The following ARL15 variants were observed in gnomAD, a reference collection of about 807,000 sequenced individuals.
ARL15 encodes ARF like GTPase 15.
In ARL15, 19 loss-of-function variants were observed where a neutral mutation model predicts 25.2. That is an observed-to-expected ratio of 0.75 (90% CI 0.53 to 1.10). The LOEUF is 1.10. Ranked by LOEUF, ARL15 falls within the 50% of genes least tolerant of loss-of-function variation. The probability of loss-of-function intolerance (pLI) is 0.00; values close to 1 mark genes in which losing one functional copy is unlikely to be tolerated. For synonymous variants in ARL15, 94 were observed against 86.8 expected, an observed-to-expected ratio of 1.08 and a Z score of -0.46; for missense variants, 220 against 246.0, an observed-to-expected ratio of 0.89 and a Z score of 0.71.
At chr5:54,242,169 G>GCA (rs142704353) in intron 1 of ARL15, among the ~76,000 whole-genome samples, 182 of 149,242 alleles carry the variant, frequency 1.2e-3, no homozygotes, top group Middle Eastern at 6.9e-3. Flanking sequence ...GTACACACAC[G>GCA]CACACACACA....
chr5:54,023,310 T>C (rs1749675997), intron 4 of ARL15, among the ~76,000 whole-genome samples: 1 of 66,222 alleles, frequency 1.5e-5, no homozygotes. Flanking sequence ...TTTAAAAATA[T>C]TACAGATATA....
intron 4 of ARL15, among the ~76,000 whole-genome samples, chr5:53,955,232 A>G (rs1397575229): frequency 6.6e-6 from 1 of 151,900 alleles, no homozygotes; most frequent in Admixed American, 6.6e-5. Context: ...TCCTTCAACA[A>G]CAATTAGGTT....
intron 1 of ARL15, among the ~76,000 whole-genome samples, chr5:54,274,621 AGGCTCGGC>A (rs1222902242): frequency 6.6e-6 from 1 of 152,214 alleles, no homozygotes; most frequent in Non-Finnish European, 1.5e-5. Flanking sequence ...CATTTAGGTC[AGGCTCGGC>A]GGCTCATGCC....
intron 3 of ARL15, among the ~76,000 whole-genome samples, chr5:54,142,099 AC>A (rs1246664213): frequency 6.6e-6 from 1 of 152,200 alleles, no homozygotes; most frequent in Non-Finnish European, 1.5e-5. Flanking sequence ...GTGTACATTT[AC>A]CTTTTTCAGA....
At chr5:54,058,478 A>T (rs1362530562) in intron 4 of ARL15, among the ~76,000 whole-genome samples, 1 of 152,206 alleles carries the variant, frequency 6.6e-6, no homozygotes, top group Non-Finnish European at 1.5e-5. Flanking sequence ...CCTCTCCAGG[A>T]GCTTGGGTTC....
At chr5:54,125,065 TTTTTGTTTTG>T (rs1554041943) in intron 3 of ARL15, among the ~76,000 whole-genome samples, 7 of 151,340 alleles carry the variant, frequency 4.6e-5, no homozygotes, top group African/African-American at 7.3e-5. Flanking sequence ...GTAAGCAAGT[TTTTTGTTTTG>T]TTTTGTTTTG....
intron 4 of ARL15, among the ~76,000 whole-genome samples, chr5:53,920,651 T>TAAATA (rs1554026546): frequency 7.1e-6 from 1 of 141,160 alleles, no homozygotes; most frequent in Admixed American, 7.1e-5. Flanking sequence ...TATTAAAAAA[T>TAAATA]AATAAATAAA....
intron 1 of ARL15, among the ~76,000 whole-genome samples, chr5:54,257,998 A>C (rs1332306980): frequency 1.3e-5 from 2 of 152,072 alleles, no homozygotes; most frequent in Non-Finnish European, 2.9e-5. Flanking sequence ...ACAGTCATAG[A>C]ATCACACGGG....
intron 1 of ARL15, among the ~76,000 whole-genome samples, chr5:54,301,083 G>A (rs966322097): frequency 1.3e-5 from 2 of 152,140 alleles, no homozygotes; most frequent in Admixed American, 1.3e-4. Flanking sequence ...AGACTCCTCT[G>A]GGAAGTTCTC....
intron 4 of ARL15, among the ~76,000 whole-genome samples, chr5:54,057,753 AT>A (rs774959275): frequency 6.2e-4 from 94 of 152,008 alleles, no homozygotes; most frequent in Non-Finnish European, 1.1e-3. Flanking sequence ...GGAGGCTGAG[AT>A]GGGAGGATGG....
At chr5:54,130,235 C>T (rs183815061) in intron 3 of ARL15, among the ~76,000 whole-genome samples, 2 of 152,182 alleles carry the variant, frequency 1.3e-5, no homozygotes, top group Admixed American at 1.3e-4. Flanking sequence ...AACAAACAAA[C>T]AAACAAGCAA....
At chr5:54,047,822 A>G (rs1750571522) in intron 4 of ARL15, among the ~76,000 whole-genome samples, 1 of 152,124 alleles carries the variant, frequency 6.6e-6, no homozygotes, top group Admixed American at 6.5e-5. Context: ...CACATAACGG[A>G]GTTTGCATTT....
chr5:54,254,964 C>T (rs1393238761), intron 1 of ARL15, among the ~76,000 whole-genome samples: 2 of 152,188 alleles, frequency 1.3e-5, no homozygotes, highest in Non-Finnish European at 2.9e-5. Context: ...CTTTCAAATC[C>T]TCACTCCAGT....
rs971754127 is a variant in ARL15 at position 54,189,014 on chromosome 5, T to G, written c.49-17086A>C. On this transcript the variant is annotated intron_variant, in intron 1 of 4. Coordinates refer to ENST00000504924, the MANE Select transcript of ARL15 (RefSeq NM_019087.3). ...AATGTGCAAAAATCAGTTGCATGTCTGTACACTAATAATTAACAACCTGAA... is the reference window on the plus strand; with the variant it reads ...AATGTGCAAAAATCAGTTGCATGTCGGTACACTAATAATTAACAACCTGAA... 5.9e-5 allele frequency among the ~76,000 whole-genome samples: 9 copies of G among 152,314 alleles called. No individual in the cohort carries two copies. In the East Asian group the frequency reaches 1.7e-3, roughly 29 times the overall value.
intron 1 of ARL15, among the ~76,000 whole-genome samples, chr5:54,248,636 T>C (rs987742609): frequency 1.3e-5 from 2 of 152,246 alleles, no homozygotes; most frequent in African/African-American, 2.4e-5. Context: ...TAATTGTAGG[T>C]CTTCTCTACT....
At chr5:54,284,862 T>G (rs1173942063) in intron 1 of ARL15, among the ~76,000 whole-genome samples, 1 of 152,204 alleles carries the variant, frequency 6.6e-6, no homozygotes, top group East Asian at 1.9e-4. Context: ...AATGGCCTCT[T>G]CCCTCTAATT....
chr5:53,996,618 TAAAAAAAAAAA>T (rs529752025), intron 4 of ARL15, among the ~76,000 whole-genome samples: 1 of 98,888 alleles, frequency 1.0e-5, no homozygotes, highest in Non-Finnish European at 2.1e-5. Flanking sequence ...GACTGTCTCA[TAAAAAAAAAAA>T]AAAAAAAAAA....
chr5:54,079,842 TG>T (rs1465433320), intron 4 of ARL15, among the ~76,000 whole-genome samples: 4 of 151,816 alleles, frequency 2.6e-5, no homozygotes, highest in African/African-American at 9.7e-5. Flanking sequence ...TGGTGGCACA[TG>T]CCTGTAATAC....
At chr5:54,133,346 A>C (rs1753494480) in intron 3 of ARL15, among the ~76,000 whole-genome samples, 1 of 152,210 alleles carries the variant, frequency 6.6e-6, no homozygotes, top group Non-Finnish European at 1.5e-5. Context: ...GGATTCAGTT[A>C]GGAATACTGA....
Sources: allele counts gnomAD v4.1 joint callset (sites outside exome capture counted in the v4.1 genomes callset), GRCh38; gene constraint gnomAD v4.1.1; transcripts MANE v1.5; gene names NCBI Gene and HGNC (gene_info 2026-07-23, HGNC 2026-07-21).